MAP3K2: variants seen among roughly 807,000 people sequenced by gnomAD.
MAP3K2 encodes the protein mitogen-activated protein kinase kinase kinase 2.
In MAP3K2, 24 loss-of-function variants were observed where a neutral mutation model predicts 80.3. The ratio of observed to expected loss-of-function variants is 0.30; its 90% CI spans 0.22 to 0.42. The LOEUF is 0.42. MAP3K2 is among the 10% of genes least tolerant of loss of function. The probability of loss-of-function intolerance (pLI) is 1.00; values close to 1 mark genes in which losing one functional copy is unlikely to be tolerated. For synonymous variants in MAP3K2, 244 were observed against 253.7 expected (o/e 0.96, Z 0.36); for missense variants, 608 against 750.1 (o/e 0.81, Z 2.21).
rs767283870 is a variant in MAP3K2 at position 127,339,025 on chromosome 2, G to A, written c.30C>T (p.Ile10=). ...TATGAAGGACAGCCAAATCTTGCAT[G>A]ATTGAGTTCAAAGCTTGCTGATCAT... MDDQQALNS[I]MQDLAVLHKA... Residue 10 remains isoleucine (I), a synonymous_variant, in exon 3 of 17, where the codon ATC becomes ATT. Coordinates refer to ENST00000682094, the MANE Select transcript of MAP3K2 (RefSeq NM_001371910.2). The surrounding 1 kb of genome is among the most constrained non-coding windows in gnomAD (Gnocchi z 4.2). 4.3e-6 allele frequency: 7 copies of A among 1,611,674 alleles called. No individual in the cohort carries two copies. The highest frequency in any genetic ancestry group is 5.1e-6 in the Non-Finnish European group (6 of 1,178,806).
chr2:127,347,109 G>A (rs927030078), intron 1 of MAP3K2, among the ~76,000 whole-genome samples: 3 of 152,028 alleles, frequency 2.0e-5, no homozygotes, highest in African/African-American at 7.3e-5. Context: ...AACAGAAGAG[G>A]ACATAATCAA....
chr2:127,385,267 C>T (rs545862343), intron 1 of MAP3K2, among the ~76,000 whole-genome samples: 105 of 152,286 alleles, frequency 6.9e-4, no homozygotes, highest in Non-Finnish European at 1.1e-3. Flanking sequence ...TCAACAACCA[C>T]CCCTTATCAA....
At chr2:127,376,243 T>G (rs1468548642) in intron 1 of MAP3K2, among the ~76,000 whole-genome samples, 7 of 142,436 alleles carry the variant, frequency 4.9e-5, no homozygotes, top group Admixed American at 1.6e-4. Flanking sequence ...GTAAAGAAAC[T>G]GATCTAGATA....
intron 1 of MAP3K2, among the ~76,000 whole-genome samples, chr2:127,343,840 A>T (rs1316445464): frequency 6.6e-6 from 1 of 152,090 alleles, no homozygotes; most frequent in Admixed American, 6.6e-5. Flanking sequence ...CAACACGGTG[A>T]AACCCCATCT....
intron 1 of MAP3K2, among the ~76,000 whole-genome samples, chr2:127,357,097 G>A (rs1204264110): frequency 1.3e-5 from 2 of 152,102 alleles, no homozygotes; most frequent in Admixed American, 6.5e-5. Context: ...TTCAAAAGAA[G>A]TTTGACAAAA....
intron 12 of MAP3K2, among the ~76,000 whole-genome samples, chr2:127,318,935 G>C (rs1685958686): frequency 6.6e-6 from 1 of 152,118 alleles, no homozygotes; most frequent in Non-Finnish European, 1.5e-5. Context: ...AAACAAATGT[G>C]GGCTGGCATG....
chr2:127,330,157 C>T lies in MAP3K2; in HGVS notation c.379-149G>A, dbSNP rs1573987350. On this transcript the variant is annotated intron_variant, in intron 6 of 16. Transcript: ENST00000682094. ...TTGAAATTTTAATTCTAACATAATT[C>T]TAAGTTGTCAGTTTCTATTAGCTTC... 17 of 603,302 alleles carry T rather than the reference C, an allele frequency of 2.8e-5. No individual in the cohort carries two copies. In the South Asian group the frequency reaches 3.9e-4, roughly 14 times the overall value. The allele number at this position is 603,302 out of a possible 1,614,324, so 37.4% of individuals were successfully genotyped here.
At chr2:127,377,168 TC>T (rs1371036115) in intron 1 of MAP3K2, among the ~76,000 whole-genome samples, 3 of 152,280 alleles carry the variant, frequency 2.0e-5, no homozygotes, top group Middle Eastern at 3.4e-3. Context: ...CCATATTACT[TC>T]TCTTAGAGAT....
At chr2:127,331,169 T>C (rs895105516) in intron 5 of MAP3K2, among the ~76,000 whole-genome samples, 1 of 152,186 alleles carries the variant, frequency 6.6e-6, no homozygotes, top group African/African-American at 2.4e-5. Context: ...CAGCAGATGT[T>C]ATAGAGGACA....
chr2:127,331,964 G>T (rs6732279), intron 5 of MAP3K2, among the ~76,000 whole-genome samples: 53,490 of 152,108 alleles, frequency 0.35, 10,183 homozygotes, highest in East Asian at 0.62. Context: ...GGATTTATGT[G>T]AATTCCATCA....
chr2:127,359,261 C>T (rs1445172137), intron 1 of MAP3K2, among the ~76,000 whole-genome samples: 3 of 152,058 alleles, frequency 2.0e-5, no homozygotes, highest in Non-Finnish European at 2.9e-5. Flanking sequence ...ACGACACTAA[C>T]GCAAGATGTT....
chr2:127,300,620 G>A lies in MAP3K2; in HGVS notation c.*6959C>T, dbSNP rs1167146956. 3 of 152,088 alleles carry A rather than the reference G, an allele frequency of 2.0e-5. No individual in the cohort carries two copies. The highest frequency in any genetic ancestry group is 7.2e-5 in the African/African-American group (3 of 41,430). The allele number at this position is 152,088 out of a possible 1,614,324, so 9.4% of individuals were successfully genotyped here. A position where few individuals can be genotyped will look rare whatever the true frequency, so the allele number is the denominator to read the frequency against. On this transcript the variant is annotated 3_prime_UTR_variant, in exon 17 of 17. Transcript: ENST00000682094. ...CTCTTATAATATTTCAGAATTCAGG[G>A]TAGCAAATTTTAAAACCAATAACAA...
chr2:127,342,289 G>A (rs956138900), intron 2 of MAP3K2, among the ~76,000 whole-genome samples: 1 of 152,024 alleles, frequency 6.6e-6, no homozygotes, highest in Non-Finnish European at 1.5e-5. Flanking sequence ...TTAAAGTAGG[G>A]AGGTGAAGTC....
rs937019202 is a variant in MAP3K2 at position 127,310,947 on chromosome 2, A to G, written c.1457-2185T>C. Among the ~76,000 whole-genome samples the G allele has an allele frequency of 1.3e-5, 2 of 152,118 alleles. No individual in the cohort carries two copies. The highest frequency in any genetic ancestry group is 4.8e-5 in the African/African-American group (2 of 41,408). On this transcript the variant is annotated intron_variant, in intron 15 of 16. Transcript: ENST00000682094. The surrounding 1 kb of genome is among the most constrained non-coding windows in gnomAD (Gnocchi z 4.8). The stretch of plus-strand genomic sequence containing the variant: ...TCTTCCATAACCTTAACCATATTTT[A>G]TATTACAAAGATTCATTTTCTTGGT...
chr2:127,372,752 T>C (rs994429350), intron 1 of MAP3K2, among the ~76,000 whole-genome samples: 2 of 152,108 alleles, frequency 1.3e-5, no homozygotes, highest in African/African-American at 2.4e-5. Context: ...TTGGGTAGAA[T>C]AGTGATCTTT....
intron 1 of MAP3K2, among the ~76,000 whole-genome samples, chr2:127,345,006 A>G (rs1573995203): frequency 6.6e-6 from 1 of 152,236 alleles, no homozygotes; most frequent in Non-Finnish European, 1.5e-5. Flanking sequence ...ATGGGACTAC[A>G]GGTGCATGCT....
In MAP3K2 at chr2:127,348,242, G is replaced by A. The variant is rs988883034; in HGVS notation, c.-65-5048C>T. Among the ~76,000 whole-genome samples the A allele has an allele frequency of 2.6e-5, 4 of 151,968 alleles. No homozygotes were observed. The East Asian group carries it at 7.7e-4, about 29-fold the overall frequency. ...ATCTCTACTAAAAACACAAAAATTA[G>A]CTGGGCATGGTGGCAGGAGCCTGTA... is the stretch of plus-strand genomic sequence containing the variant. On this transcript the variant is annotated intron_variant, in intron 1 of 16. Coordinates refer to ENST00000682094, the MANE Select transcript of MAP3K2 (RefSeq NM_001371910.2).
Position 127,303,384 on chromosome 2 carries a change from G to C in MAP3K2, c.*4195C>G, listed in dbSNP as rs1300015577. 6.6e-6 allele frequency: 1 copy of C among 151,578 alleles called. No homozygotes were observed. The highest frequency in any genetic ancestry group is 1.9e-4 in the East Asian group (1 of 5,176). 9.4% of individuals were successfully genotyped at this position (151,578 alleles called of 1,614,324 possible). A position where few individuals can be genotyped will look rare whatever the true frequency, so the allele number is the denominator to read the frequency against. ...ATGGAATAAATGCTCCCCATCACCA[G>C]AACTGTTGAGTAGAGGCTGGGTTTT... On this transcript the variant is annotated 3_prime_UTR_variant, in exon 17 of 17. Coordinates refer to ENST00000682094, the MANE Select transcript of MAP3K2 (RefSeq NM_001371910.2).
chr2:127,360,699 G>A (rs1686870699), intron 1 of MAP3K2, among the ~76,000 whole-genome samples: 1 of 152,100 alleles, frequency 6.6e-6, no homozygotes. Context: ...TCATTACTCT[G>A]CAGACATCTT....
Sources: gnomAD v4.1 joint callset for allele counts (sites outside exome capture counted in the v4.1 genomes callset) on GRCh38, gnomAD v4.1.1 for gene constraint, Gnocchi (gnomAD v3.1) non-coding constraint, MANE v1.5 for transcripts, NCBI Gene and HGNC (gene_info 2026-07-23, HGNC 2026-07-21) for gene names.